RCOR1: variants seen among roughly 807,000 people sequenced by gnomAD.
The protein encoded by RCOR1 is REST corepressor 1.
Under a neutral mutation model 64.0 loss-of-function variants are expected in RCOR1, and 12 were observed. That is an observed-to-expected ratio of 0.19 (90% CI 0.12 to 0.30). The LOEUF (loss-of-function observed/expected upper bound fraction) is 0.30. RCOR1 is among the 10% of genes least tolerant of loss of function. The pLI, the probability that RCOR1 is intolerant of heterozygous loss-of-function variation, is 1.00. For synonymous variants in RCOR1, 279 were observed against 227.2 expected (o/e 1.23, Z -2.05); for missense variants, 502 against 621.2 (o/e 0.81, Z 2.04).
chr14:102,639,001 T>A (rs756950976), intron 2 of RCOR1, among the ~76,000 whole-genome samples: 16 of 152,314 alleles, frequency 1.1e-4, no homozygotes, highest in Admixed American at 3.9e-4. Context: ...TGTAATTCTC[T>A]TGGGATTTTT....
intron 2 of RCOR1, among the ~76,000 whole-genome samples, chr14:102,611,409 A>G (rs932698290): frequency 2.6e-5 from 4 of 151,920 alleles, no homozygotes; most frequent in African/African-American, 4.8e-5. Flanking sequence ...TACTAATTCT[A>G]TCATCTGTGT....
intron 2 of RCOR1, among the ~76,000 whole-genome samples, chr14:102,600,744 G>A (rs995302234): frequency 2.0e-5 from 3 of 151,138 alleles, no homozygotes; most frequent in Admixed American, 6.6e-5. Context: ...CTAATTTTTT[G>A]TATTTTTAGT....
chr14:102,636,975 A>T (rs1203873257), intron 2 of RCOR1, among the ~76,000 whole-genome samples: 4 of 149,442 alleles, frequency 2.7e-5, no homozygotes, highest in African/African-American at 9.7e-5. Flanking sequence ...CTGTTTCAAA[A>T]AAACAAAACA....
rs1054366990 is a variant in RCOR1, at chr14:102,593,090, C to T, written c.204C>T (p.Gly68=). The T allele has an allele frequency of 4.7e-6, 7 of 1,476,886 alleles. No individual in the cohort carries two copies. The highest frequency in any genetic ancestry group is 2.6e-5 in the Admixed American group (1 of 38,822). 91.5% of individuals were successfully genotyped at this position (1,476,886 alleles called of 1,614,324 possible). A position where few individuals can be genotyped will look rare whatever the true frequency, so the allele number is the denominator to read the frequency against. ...CAGCCGCCGCCGCCCCCAATAATGG[C>T]CAGAATAAAAGTTTGGCGGCGGCGG... ...AASAAAAPNN[G]QNKSLAAAAP... is the part of the protein sequence containing the mutation. The change falls in exon 1 of 12, where the codon GGC becomes GGT. Residue 68 remains glycine (G), a synonymous_variant. Transcript: ENST00000262241.
rs766104279 is a variant in RCOR1 at position 102,726,478 on chromosome 14, T to C, written c.1430T>C (p.Leu477Pro). 6.3e-7 allele frequency: 1 copy of C among 1,599,328 alleles called. No individual in the cohort carries two copies. The highest frequency in any genetic ancestry group is 8.5e-7 in the Non-Finnish European group (1 of 1,177,578). Residue 477 changes from leucine (L) to proline (P), a missense_variant, in exon 12 of 12, where the codon CTG becomes CCG. Transcript: ENST00000262241. ...MPEEEDEAPV[L>P]DVRYASAS ...TCCTCTTGGCCTCAGGCTCCTGTTC[T>C]GGATGTCAGATATGCATCTGCCTCC...
chr14:102,597,296 C>T (rs1255300207), intron 2 of RCOR1, among the ~76,000 whole-genome samples: 1 of 151,238 alleles, frequency 6.6e-6, no homozygotes, highest in Non-Finnish European at 1.5e-5. Flanking sequence ...AAATAAGTAA[C>T]TATGGTAGAG....
chr14:102,720,641 GT>G (rs1261898625), intron 8 of RCOR1, among the ~76,000 whole-genome samples: 1 of 152,158 alleles, frequency 6.6e-6, no homozygotes, highest in African/African-American at 2.4e-5. Context: ...TGGCTGCTCT[GT>G]TACTTCAGTT....
At chr14:102,612,330 AGTAGCTGGGATTACAG>A (rs1191463419) in intron 2 of RCOR1, among the ~76,000 whole-genome samples, 10 of 151,822 alleles carry the variant, frequency 6.6e-5, no homozygotes, top group African/African-American at 2.2e-4. Context: ...GCACTTCCTG[AGTAGCTGGGATTACAG>A]GTGCGCGCCA....
intron 7 of RCOR1, among the ~76,000 whole-genome samples, chr14:102,713,118 T>C (rs1346479241): frequency 1.3e-5 from 2 of 150,940 alleles, no homozygotes; most frequent in Non-Finnish European, 3.0e-5. Flanking sequence ...CATGCCTGGC[T>C]AATTTTTGTA....
chr14:102,726,742 G>A lies in RCOR1; in HGVS notation c.*236G>A. The A allele has an allele frequency of 1.9e-6, 1 of 516,912 alleles. No individual in the cohort carries two copies. The highest frequency in any genetic ancestry group is 3.4e-6 in the Non-Finnish European group (1 of 297,086). The allele number at this position is 516,912 out of a possible 1,614,324, so 32.0% of individuals were successfully genotyped here. A position where few individuals can be genotyped will look rare whatever the true frequency, so the allele number is the denominator to read the frequency against. ...TCTCACACTCTGCCCACGTGCTGGG[G>A]AAGTCTCACGGCCTGCACATCTCTT... On this transcript the variant is annotated 3_prime_UTR_variant, in exon 12 of 12. Coordinates refer to ENST00000262241, the MANE Select transcript of RCOR1 (RefSeq NM_015156.4).
At chr14:102,656,096 A>G (rs1308833449) in intron 2 of RCOR1, 3 of 984,818 alleles carry the variant, frequency 3.0e-6, no homozygotes, top group Non-Finnish European at 3.6e-6. Context: ...GTGGAAACAG[A>G]TTCTTTTCAT....
At chr14:102,716,415 G>A (rs373439718) in intron 8 of RCOR1, among the ~76,000 whole-genome samples, 1 of 152,264 alleles carries the variant, frequency 6.6e-6, no homozygotes, top group East Asian at 1.9e-4. Flanking sequence ...TCTGAGGTTA[G>A]TGTTTTTGAG....
At chr14:102,677,101 G>A (rs1442854011) in intron 2 of RCOR1, among the ~76,000 whole-genome samples, 33 of 132,350 alleles carry the variant, frequency 2.5e-4, no homozygotes, top group Non-Finnish European at 4.1e-4. Flanking sequence ...CCCAGTAGGG[G>A]CGGCCGGGCC....
intron 2 of RCOR1, among the ~76,000 whole-genome samples, chr14:102,616,294 G>A (rs184582913): frequency 6.7e-6 from 1 of 150,338 alleles, no homozygotes; most frequent in East Asian, 2.0e-4. Context: ...TTTGAGTTAG[G>A]GTCTTTCCCC....
chr14:102,600,937 C>G (rs868691878), intron 2 of RCOR1, among the ~76,000 whole-genome samples: 50 of 150,540 alleles, frequency 3.3e-4, no homozygotes, highest in African/African-American at 1.1e-3. Context: ...CACCTGTAAT[C>G]CCAGCACTTT....
chr14:102,643,324 A>C (rs1894411275), intron 2 of RCOR1: 1 of 981,354 alleles, frequency 1.0e-6, no homozygotes, highest in Non-Finnish European at 1.2e-6. Context: ...AGATGTGAAC[A>C]AACCTTATAG....
At chr14:102,690,720 C>G (rs1895515762) in intron 3 of RCOR1, among the ~76,000 whole-genome samples, 1 of 152,192 alleles carries the variant, frequency 6.6e-6, no homozygotes, top group Non-Finnish European at 1.5e-5. Flanking sequence ...CCACACAAAC[C>G]ACTCACTGTC....
Position 102,602,315 on chromosome 14 carries a change from TGTTA to T in RCOR1, c.361+8996_361+8999del, listed in dbSNP as rs1252882116. Among the ~76,000 whole-genome samples, 6 of 152,150 alleles carry T rather than the reference TGTTA, an allele frequency of 3.9e-5. No individual in the cohort carries two copies. In the South Asian group the frequency reaches 6.2e-4, roughly 16 times the overall value. On this transcript the variant is annotated intron_variant, in intron 2 of 11. Transcript: ENST00000262241. ...TGTTTTCACCTTGTCTTCGTCATGG[TGTTA>T]GTTAGGTTATTAATTTTTTTTAAAT...
chr14:102,617,711 T>TC (rs1322903556), intron 2 of RCOR1, among the ~76,000 whole-genome samples: 1 of 149,588 alleles, frequency 6.7e-6, no homozygotes, highest in Non-Finnish European at 1.5e-5. Flanking sequence ...TGCCTCAGGC[T>TC]CCCAAGTAGC....
Sources: gnomAD v4.1 joint callset for allele counts (sites outside exome capture counted in the v4.1 genomes callset) on GRCh38, gnomAD v4.1.1 for gene constraint, MANE v1.5 for transcripts, NCBI Gene and HGNC (gene_info 2026-07-23, HGNC 2026-07-21) for gene names.